The following RAB11FIP3 variants were observed in gnomAD, a reference collection of about 807,000 sequenced individuals.
RAB11FIP3 encodes the protein RAB11 family interacting protein 3.
A neutral mutation model predicts 77.8 loss-of-function variants in RAB11FIP3; 17 were observed. The ratio of observed to expected loss-of-function variants is 0.22; its 90% CI spans 0.15 to 0.33. The LOEUF (loss-of-function observed/expected upper bound fraction) is 0.33, where lower values mean the gene tolerates loss of function less well. Ranked by LOEUF, RAB11FIP3 falls within the 10% of genes least tolerant of loss-of-function variation. The pLI, the probability that RAB11FIP3 is intolerant of heterozygous loss-of-function variation, is 1.00. For synonymous variants in RAB11FIP3, 437 were observed against 448.2 expected, an observed-to-expected ratio of 0.98 and a Z score of 0.31; for missense variants, 1,005 against 1,011.2, an observed-to-expected ratio of 0.99 and a Z score of 0.08.
rs548134304 is a variant in RAB11FIP3 at position 439,323 on chromosome 16, G to A, written c.714+12603G>A. 4 of 152,342 alleles carry A rather than the reference G, an allele frequency of 2.6e-5. No homozygotes were observed. The East Asian group carries it at 7.7e-4, about 29-fold the overall frequency. 9.4% of individuals were successfully genotyped at this position (152,342 alleles called of 1,614,324 possible). ...CATGGCTAGTCAAGTGAAGCAGTGGGAATGGAGAAGGACCAAAGCAACCCG... is the reference window on the plus strand; with the variant it reads ...CATGGCTAGTCAAGTGAAGCAGTGGAAATGGAGAAGGACCAAAGCAACCCG... On this transcript the variant is annotated intron_variant, in intron 1 of 13. Coordinates refer to ENST00000262305, the MANE Select transcript of RAB11FIP3 (RefSeq NM_014700.4).
intron 5 of RAB11FIP3, among the ~76,000 whole-genome samples, chr16:493,251 CAAAAAAAA>C (rs71139788): frequency 4.9e-5 from 5 of 102,444 alleles, no homozygotes; most frequent in South Asian, 3.5e-4. Flanking sequence ...ACTCTGACTC[CAAAAAAAA>C]AAAAAAAAAA....
At chr16:438,753 G>C (rs530012021) in intron 1 of RAB11FIP3, among the ~76,000 whole-genome samples, 1 of 139,462 alleles carries the variant, frequency 7.2e-6, no homozygotes, top group Non-Finnish European at 1.6e-5. Context: ...GCGGTGGCGC[G>C]ATCTCAGCTC....
intron 6 of RAB11FIP3, among the ~76,000 whole-genome samples, chr16:502,039 C>T (rs1179371239): frequency 6.6e-6 from 1 of 152,240 alleles, no homozygotes; most frequent in Non-Finnish European, 1.5e-5. Context: ...TGCTTTTTAA[C>T]GGTCACGCAG....
chr16:429,300 C>T (rs986973259), intron 1 of RAB11FIP3, among the ~76,000 whole-genome samples: 1 of 151,912 alleles, frequency 6.6e-6, no homozygotes, highest in Non-Finnish European at 1.5e-5. Context: ...GTATATATTT[C>T]CAAAAGATAC....
intron 1 of RAB11FIP3, among the ~76,000 whole-genome samples, chr16:438,746 G>T (rs1274079131): frequency 6.6e-6 from 1 of 151,020 alleles, no homozygotes; most frequent in Admixed American, 6.6e-5. Context: ...CTGGAGTGCG[G>T]TGGCGCGATC....
At chr16:504,796 C>T (rs1411279031) in intron 7 of RAB11FIP3, among the ~76,000 whole-genome samples, 1 of 1,652 alleles carries the variant, frequency 6.1e-4, no homozygotes. Flanking sequence ...CCATCTCCTC[C>T]TGTACCCCCC....
intron 1 of RAB11FIP3, among the ~76,000 whole-genome samples, chr16:447,275 A>T (rs1206028988): frequency 6.6e-6 from 1 of 152,074 alleles, no homozygotes; most frequent in Non-Finnish European, 1.5e-5. Context: ...AGTGCACTCT[A>T]GCCTGGGCAG....
intron 1 of RAB11FIP3, among the ~76,000 whole-genome samples, chr16:443,380 G>A (rs2055257925): frequency 6.6e-6 from 1 of 152,148 alleles, no homozygotes; most frequent in Non-Finnish European, 1.5e-5. Flanking sequence ...TGCAAATAAA[G>A]GAGAAAATAA....
chr16:497,019 G>A, intron 6 of RAB11FIP3, 160 bp downstream of exon 6: 1 of 783,644 alleles, frequency 1.3e-6, no homozygotes, highest in South Asian at 1.8e-5. Context: ...AAGGAGTGTT[G>A]GGAAAGGGGT....
rs528521575 is a variant in RAB11FIP3 at position 494,140 on chromosome 16, C to T, written c.1266-2684C>T. 2.8e-3 allele frequency among the ~76,000 whole-genome samples: 341 copies of T among 119,682 alleles called. 1 individual carries two copies. The highest frequency in any genetic ancestry group is 0.016 in the Middle Eastern group (3 of 182). The allele number at this position is 119,682 out of a possible 152,430, so 78.5% of individuals were successfully genotyped here. On this transcript the variant is annotated intron_variant, in intron 5 of 13. Coordinates refer to ENST00000262305, the MANE Select transcript of RAB11FIP3 (RefSeq NM_014700.4). ...TCCGGACCTCGTGATCCGCCCGCCTCGGCCTCCCAAAGTGCTGGGATTACA... is the reference window on the plus strand; with the variant it reads ...TCCGGACCTCGTGATCCGCCCGCCTTGGCCTCCCAAAGTGCTGGGATTACA...
At chr16:519,074 C>CCACAGGCAG in intron 10 of RAB11FIP3, 50 bp downstream of exon 10, 1 of 1,580,398 alleles carries the variant, frequency 6.3e-7, no homozygotes, top group Non-Finnish European at 8.7e-7. Flanking sequence ...AGCCCATGCC[C>CCACAGGCAG]TGCCTGTGGG....
chr16:510,165 C>T (rs776312524), intron 8 of RAB11FIP3, among the ~76,000 whole-genome samples: 2 of 148,674 alleles, frequency 1.3e-5, no homozygotes, highest in African/African-American at 2.5e-5. Context: ...GGCACCTCCA[C>T]GCCCCGTCCC....
At chr16:462,976 T>TG (rs1395839583) in intron 2 of RAB11FIP3, among the ~76,000 whole-genome samples, 6 of 152,236 alleles carry the variant, frequency 3.9e-5, no homozygotes, top group Non-Finnish European at 8.8e-5. Flanking sequence ...CTCCTGGTGA[T>TG]GGGCACGTTT....
intron 3 of RAB11FIP3, among the ~76,000 whole-genome samples, chr16:478,755 C>A (rs544148620): frequency 6.6e-6 from 1 of 151,978 alleles, no homozygotes; most frequent in Non-Finnish European, 1.5e-5. Flanking sequence ...CTCTTGAGGC[C>A]AGGAGTTCAA....
At chr16:477,770 G>A in intron 3 of RAB11FIP3, 1 of 739,046 alleles carries the variant, frequency 1.4e-6, no homozygotes, top group East Asian at 1.3e-4. Flanking sequence ...AGATTGTAGG[G>A]GAGATTATAA....
At chr16:463,799 GA>G (rs2055658260) in intron 2 of RAB11FIP3, among the ~76,000 whole-genome samples, 1 of 152,156 alleles carries the variant, frequency 6.6e-6, no homozygotes, top group Non-Finnish European at 1.5e-5. Context: ...CATGTTGTGG[GA>G]CCAGCACGGC....
At chr16:453,870 C>G (rs982285076) in intron 1 of RAB11FIP3, among the ~76,000 whole-genome samples, 1 of 152,100 alleles carries the variant, frequency 6.6e-6, no homozygotes, top group Admixed American at 6.6e-5. Flanking sequence ...TCTGGGATTA[C>G]AGACGTGAGC....
At chr16:432,515 G>A (rs945472575) in intron 1 of RAB11FIP3, among the ~76,000 whole-genome samples, 13 of 151,258 alleles carry the variant, frequency 8.6e-5, no homozygotes, top group African/African-American at 2.7e-4. Context: ...TAAAATGTAT[G>A]TAATACATAC....
rs1169168613 is a variant in RAB11FIP3, at chr16:514,985, G to A, written c.1641-3958G>A. ...TCGCTTGTGCCACGTAGCATAGCTCGTCCTTCCAGAAAATGTGAGTAGACT... is the reference window on the plus strand; with the variant it reads ...TCGCTTGTGCCACGTAGCATAGCTCATCCTTCCAGAAAATGTGAGTAGACT... On this transcript the variant is annotated intron_variant, in intron 9 of 13. Coordinates refer to ENST00000262305, the MANE Select transcript of RAB11FIP3 (RefSeq NM_014700.4). The surrounding 1 kb of genome is among the most constrained non-coding windows in gnomAD (Gnocchi z 4.6). 6.6e-6 allele frequency among the ~76,000 whole-genome samples: 1 copy of A among 152,180 alleles called. No individual in the cohort carries two copies. Among genetic ancestry groups the A allele is most frequent in the African/African-American group, 2.4e-5 (1 of 41,442 alleles).
Sources: allele counts gnomAD v4.1 joint callset (sites outside exome capture counted in the v4.1 genomes callset), GRCh38; gene constraint gnomAD v4.1.1; non-coding constraint Gnocchi (gnomAD v3.1); transcripts MANE v1.5; gene names NCBI Gene and HGNC (gene_info 2026-07-23, HGNC 2026-07-21).